The following RASSF3 variants were observed in gnomAD, a reference collection of about 807,000 sequenced individuals.
RASSF3 encodes Ras association domain family member 3, also known as ras association domain-containing protein 3.
Under a neutral mutation model 19.9 loss-of-function variants are expected in RASSF3, and 19 were observed. The observed-to-expected ratio is 0.96, with a 90% CI of 0.67 to 1.40. The LOEUF (loss-of-function observed/expected upper bound fraction) is 1.40. RASSF3 is among the 40% of genes most tolerant of loss of function. The pLI, the probability that RASSF3 is intolerant of heterozygous loss-of-function variation, is 0.00. For missense variants in RASSF3, 306 were observed against 289.8 expected (o/e 1.06, Z -0.41); for synonymous variants, 110 against 104.2 (o/e 1.06, Z -0.34).
At chr12:64,551,063 TA>T (rs1313624111) in intron 2 of RASSF3, among the ~76,000 whole-genome samples, 5 of 151,990 alleles carry the variant, frequency 3.3e-5, no homozygotes, top group African/African-American at 1.2e-4. Flanking sequence ...AATTCAGAAG[TA>T]GGGGCAGAGA....
Position 64,691,591 on chromosome 12 carries a change from T to G in RASSF3, c.567+12T>G. On this transcript the variant is annotated intron_variant, in intron 4 of 4. Transcript: ENST00000542104. ...ATGAAATTGGAGAGGTAAGTTATTGTTCACTATTGCTTTAAACTATACAGA... is the reference window on the plus strand; with the variant it reads ...ATGAAATTGGAGAGGTAAGTTATTGGTCACTATTGCTTTAAACTATACAGA... 7.0e-7 allele frequency: 1 copy of G among 1,437,302 alleles called. No individual in the cohort carries two copies. Among genetic ancestry groups the G allele is most frequent in the South Asian group, 1.1e-5 (1 of 87,252 alleles). 89.0% of individuals were successfully genotyped at this position (1,437,302 alleles called of 1,614,324 possible).
intron 1 of RASSF3, chr12:64,541,472 T>C: frequency 2.5e-6 from 1 of 396,768 alleles, no homozygotes; most frequent in Non-Finnish European, 4.4e-6. Flanking sequence ...TATTCCAGGT[T>C]GAATGCTGGC....
At chr12:64,568,679 C>T (rs56264181) in intron 2 of RASSF3, among the ~76,000 whole-genome samples, 1 of 151,796 alleles carries the variant, frequency 6.6e-6, no homozygotes, top group East Asian at 1.9e-4. Context: ...CCCACCAACC[C>T]CAGCCCTAAG....
chr12:64,633,060 C>G (rs1180706434), intron 1 of RASSF3, among the ~76,000 whole-genome samples: 1 of 152,096 alleles, frequency 6.6e-6, no homozygotes, highest in Non-Finnish European at 1.5e-5. Flanking sequence ...TGATCTGGCT[C>G]TATTTGTTTT....
intron 2 of RASSF3, among the ~76,000 whole-genome samples, chr12:64,578,518 G>C (rs549580565): frequency 2.0e-5 from 3 of 152,242 alleles, no homozygotes; most frequent in Admixed American, 6.5e-5. Context: ...ATTTAGTCAG[G>C]CATGATAGGG....
At chr12:64,547,619 G>A (rs1266269063) in intron 2 of RASSF3, among the ~76,000 whole-genome samples, 1 of 151,350 alleles carries the variant, frequency 6.6e-6, no homozygotes, top group Non-Finnish European at 1.5e-5. Flanking sequence ...AAGGAAGGAA[G>A]GAACTTTTCA....
At chr12:64,542,062 T>TC (rs1247889601), downstream of RASSF3, among the ~76,000 whole-genome samples, 4 of 149,940 alleles carry the variant, frequency 2.7e-5, no homozygotes, top group Admixed American at 6.8e-5. Context: ...TGTGTTGACT[T>TC]TTTTTTTAAT....
intron 1 of RASSF3, among the ~76,000 whole-genome samples, chr12:64,643,549 T>TAA (rs55999011): frequency 6.8e-6 from 1 of 146,536 alleles, no homozygotes; most frequent in East Asian, 2.0e-4. Flanking sequence ...CCCCGTCTCT[T>TAA]AAAAAAAAAA....
intron 1 of RASSF3, among the ~76,000 whole-genome samples, chr12:64,679,913 C>T (rs956783255): frequency 6.6e-6 from 1 of 152,176 alleles, no homozygotes; most frequent in Non-Finnish European, 1.5e-5. Flanking sequence ...ACACATTATC[C>T]ACAGACGGCT....
intron 1 of RASSF3, among the ~76,000 whole-genome samples, chr12:64,682,121 T>C (rs1435531129): frequency 6.6e-6 from 1 of 152,202 alleles, no homozygotes; most frequent in African/African-American, 2.4e-5. Context: ...TTTGGGGTTT[T>C]ACCTTGGCAA....
chr12:64,539,209 T>A (rs1868891713), intron 1 of RASSF3, among the ~76,000 whole-genome samples: 1 of 152,108 alleles, frequency 6.6e-6, no homozygotes, highest in Non-Finnish European at 1.5e-5. Flanking sequence ...TGCTGCATCA[T>A]AACATGGCAG....
intron 2 of RASSF3, among the ~76,000 whole-genome samples, chr12:64,581,566 A>C (rs1330182617): frequency 1.3e-5 from 2 of 152,126 alleles, no homozygotes; most frequent in Non-Finnish European, 2.9e-5. Context: ...AAAATAAATA[A>C]AAATTAGCCA....
chr12:64,688,828 T>G (rs1214408485), intron 3 of RASSF3, among the ~76,000 whole-genome samples: 1 of 151,512 alleles, frequency 6.6e-6, no homozygotes, highest in Non-Finnish European at 1.5e-5. Context: ...ACATTCCACA[T>G]TTGATGTGCA....
At chr12:64,679,058 T>C (rs1016955925) in intron 1 of RASSF3, among the ~76,000 whole-genome samples, 1 of 152,162 alleles carries the variant, frequency 6.6e-6, no homozygotes, top group Admixed American at 6.5e-5. Context: ...TTTTGAACAG[T>C]CACTCGTTTT....
chr12:64,612,271 C>G (rs564393888), intron 1 of RASSF3, among the ~76,000 whole-genome samples: 4 of 152,150 alleles, frequency 2.6e-5, no homozygotes, highest in African/African-American at 9.6e-5. Context: ...TTGCTTTCAC[C>G]ACTTGACATG....
chr12:64,574,170 G>A (rs1001487482), intron 2 of RASSF3, among the ~76,000 whole-genome samples: 1 of 151,800 alleles, frequency 6.6e-6, no homozygotes, highest in Non-Finnish European at 1.5e-5. Context: ...AATTAGCCGG[G>A]TGTGATGGCT....
In RASSF3 at chr12:64,637,833, A is replaced by AT. The variant is rs751326161; in HGVS notation, c.111+27106dup. ...TGTGCCCTTTTTCTATAGTTATCAG[A>AT]TTTTTTTTTTTTTTTTAAAGACAGA... On this transcript the variant is annotated intron_variant, in intron 1 of 4. Transcript: ENST00000542104. Among the ~76,000 whole-genome samples the AT allele has an allele frequency of 9.2e-3, 1,216 of 131,912 alleles. 9 individuals carry two copies. Among genetic ancestry groups the AT allele is most frequent in the African/African-American group, 0.018 (657 of 35,802 alleles). 86.5% of individuals were successfully genotyped at this position (131,912 alleles called of 152,430 possible). A position where few individuals can be genotyped will look rare whatever the true frequency, so the allele number is the denominator to read the frequency against.
intron 1 of RASSF3, among the ~76,000 whole-genome samples, chr12:64,613,426 G>T (rs183181359): frequency 6.6e-6 from 1 of 151,604 alleles, no homozygotes; most frequent in African/African-American, 2.4e-5. Context: ...GAAAATATCC[G>T]GAGAAAACAA....
chr12:64,665,455 AG>A (rs199783960), intron 1 of RASSF3, among the ~76,000 whole-genome samples: 1,918 of 152,260 alleles, frequency 0.013, 14 homozygotes, highest in Non-Finnish European at 0.017. Context: ...TTAAACACCA[AG>A]TTTGATAATA....
Sources: gnomAD v4.1 joint callset for allele counts (sites outside exome capture counted in the v4.1 genomes callset) on GRCh38, gnomAD v4.1.1 for gene constraint, MANE v1.5 for transcripts, NCBI Gene and HGNC (gene_info 2026-07-23, HGNC 2026-07-21) for gene names.